The following NRP1 variants were observed in gnomAD, a reference collection of about 807,000 sequenced individuals.
NRP1 encodes the protein neuropilin 1, also known as neuropilin-1.
Under a neutral mutation model 106.7 loss-of-function variants are expected in NRP1, and 35 were observed. The ratio of observed to expected loss-of-function variants is 0.33; its 90% CI spans 0.25 to 0.43. NRP1 has a LOEUF of 0.43. Among genes scored for constraint, NRP1 ranks in the 20% least tolerant of loss-of-function variants. NRP1 has a pLI of 1.00. For synonymous variants in NRP1, 437 were observed against 417.9 expected (o/e 1.05, Z -0.56); for missense variants, 1,024 against 1,170.4 (o/e 0.87, Z 1.83).
intron 2 of NRP1, among the ~76,000 whole-genome samples, chr10:33,278,303 A>G (rs985312182): frequency 1.3e-5 from 2 of 152,140 alleles, no homozygotes; most frequent in Non-Finnish European, 2.9e-5. Context: ...GGGAGGACTC[A>G]AGGTTTTTGC....
chr10:33,288,657 A>G (rs537650801), intron 2 of NRP1: 1 of 152,312 alleles, frequency 6.6e-6, no homozygotes, highest in Admixed American at 6.5e-5. Flanking sequence ...ATCTAAAGAT[A>G]ACTAGAGAAT....
intron 6 of NRP1, among the ~76,000 whole-genome samples, chr10:33,238,444 T>A (rs7915584): frequency 0.21 from 31,297 of 152,122 alleles, 3,295 homozygotes; most frequent in Admixed American, 0.28. Context: ...CATGGGTGGC[T>A]ATTATTCATT....
Position 33,207,755 on chromosome 10 carries a change from A to T in NRP1, c.1615-39T>A, listed in dbSNP as rs202189463. On this transcript the variant is annotated intron_variant, in intron 9 of 16. Coordinates refer to ENST00000374867, the MANE Select transcript of NRP1 (RefSeq NM_003873.7). ...AAAACACAGGGCATTAAGGAAAAAA[A>T]AAAACAGAGCTCCCTTTTAGCAACT... 1.2e-5 allele frequency: 18 copies of T among 1,455,086 alleles called. No homozygotes were observed. The Admixed American group carries it at 3.3e-4, about 27-fold the overall frequency. The allele number at this position is 1,455,086 out of a possible 1,614,324, so 90.1% of individuals were successfully genotyped here.
intron 11 of NRP1, among the ~76,000 whole-genome samples, chr10:33,199,367 CTATATATATATA>C (rs1413431395): frequency 5.5e-5 from 3 of 54,276 alleles, no homozygotes; most frequent in Admixed American, 3.2e-4. Flanking sequence ...TGGCTGTTTT[CTATATATATATA>C]TATATATATA....
At chr10:33,228,762 T>C (rs773358230) in intron 6 of NRP1, among the ~76,000 whole-genome samples, 1 of 152,244 alleles carries the variant, frequency 6.6e-6, no homozygotes, top group Non-Finnish European at 1.5e-5. Flanking sequence ...TTTCCCTGGT[T>C]TTAAAGATAT....
chr10:33,202,981 G>A lies in NRP1; in HGVS notation c.1774C>T (p.Pro592Ser), dbSNP rs1588712985. The A allele has an allele frequency of 6.2e-7, 1 of 1,613,448 alleles. No homozygotes were observed. Among genetic ancestry groups the A allele is most frequent in the Non-Finnish European group, 8.5e-7 (1 of 1,179,622 alleles). ...ACCAAGTTCCCGTTGGGAGTGGTCG[G>A]TCCAGCTGTAGGGGCTGAAACAAGA... is the stretch of plus-strand genomic sequence containing the variant. ...GCEVEAPTAG[P>S]TTPNGNLVDE... The change falls in exon 11 of 17, where the codon CCG becomes TCG. Residue 592 changes from proline to serine, a missense_variant. Transcript: ENST00000374867.
chr10:33,254,310 G>A, intron 5 of NRP1, 116 bp from the exon 6 acceptor site: 3 of 870,672 alleles, frequency 3.4e-6, no homozygotes, highest in Non-Finnish European at 5.2e-6. Flanking sequence ...TAAAAAGATG[G>A]TAGTAAGGGA....
intron 12 of NRP1, among the ~76,000 whole-genome samples, chr10:33,193,458 C>T (rs529563962): frequency 5.9e-5 from 9 of 152,322 alleles, no homozygotes; most frequent in South Asian, 2.1e-4. Flanking sequence ...GAACGAAGCC[C>T]GCAGATGCAG....
At chr10:33,190,719 T>A (rs1836344511) in intron 13 of NRP1, among the ~76,000 whole-genome samples, 1 of 152,176 alleles carries the variant, frequency 6.6e-6, no homozygotes, top group South Asian at 2.1e-4. Context: ...CAGTGCTCTG[T>A]AAGTATTTCT....
intron 2 of NRP1, among the ~76,000 whole-genome samples, chr10:33,286,409 T>A (rs572717564): frequency 2.2e-3 from 336 of 152,236 alleles, no homozygotes; most frequent in African/African-American, 7.6e-3. Flanking sequence ...CATTCCTACA[T>A]CCTCCTCCTA....
intron 10 of NRP1, among the ~76,000 whole-genome samples, chr10:33,203,723 T>C (rs944204513): frequency 6.0e-5 from 2 of 33,510 alleles, no homozygotes; most frequent in South Asian, 9.0e-4. Flanking sequence ...CAAAGACTGC[T>C]TTTTTTTTTT....
chr10:33,202,567 T>C lies in NRP1; in HGVS notation c.1864+324A>G, dbSNP rs11009287. ...TACGTAGGGGTGGTGCACGTGTTATTGGGGGGGGGTCTGAAAATAATGAAA... is the reference window on the plus strand; with the variant it reads ...TACGTAGGGGTGGTGCACGTGTTATCGGGGGGGGGTCTGAAAATAATGAAA... On this transcript the variant is annotated intron_variant, in intron 11 of 16. Transcript: ENST00000374867. The C allele has an allele frequency of 1.1e-5, 14 of 1,318,284 alleles. No homozygotes were observed. In the East Asian group the frequency reaches 2.8e-4, roughly 26 times the overall value. 81.7% of individuals were successfully genotyped at this position (1,318,284 alleles called of 1,614,324 possible). A position where few individuals can be genotyped will look rare whatever the true frequency, so the allele number is the denominator to read the frequency against.
intron 10 of NRP1, among the ~76,000 whole-genome samples, chr10:33,204,856 C>T (rs910757282): frequency 5.3e-5 from 8 of 152,060 alleles, no homozygotes; most frequent in African/African-American, 1.4e-4. Context: ...CTCAGCCTCA[C>T]GAGTAGCTGG....
chr10:33,241,958 C>A (rs534804459), intron 6 of NRP1, among the ~76,000 whole-genome samples: 87 of 152,104 alleles, frequency 5.7e-4, no homozygotes, highest in African/African-American at 1.9e-3. Flanking sequence ...CATAAATATT[C>A]GAAATCTAGA....
In NRP1 at chr10:33,254,149, T is replaced by C. The variant is rs1350006225; in HGVS notation, c.860A>G (p.His287Arg). 1 of 1,613,800 alleles carries C rather than the reference T, an allele frequency of 6.2e-7. No homozygotes were observed. Among genetic ancestry groups the C allele is most frequent in the Admixed American group, 1.7e-5 (1 of 59,872 alleles). The change falls in exon 6 of 17, where the codon CAT (histidine) becomes CGT (arginine). Residue 287 changes from histidine (H) to arginine (R), a missense_variant. Transcript: ENST00000374867. ...EALGMESGEI[H>R]SDQITASSQY... is the part of the protein sequence containing the mutation. ...GGAAGAAGCTGTGATCTGGTCAGAA[T>C]GAATTTCTCCTGATTCCATGCCCAG...
chr10:33,304,758 C>T (rs576961465), intron 2 of NRP1, among the ~76,000 whole-genome samples: 42 of 152,300 alleles, frequency 2.8e-4, no homozygotes, highest in African/African-American at 9.9e-4. Flanking sequence ...TGAGGCTTTA[C>T]AGAAATGCAT....
intron 3 of NRP1, among the ~76,000 whole-genome samples, chr10:33,265,242 A>C (rs536191522): frequency 6.6e-6 from 1 of 152,322 alleles, no homozygotes; most frequent in East Asian, 1.9e-4. Flanking sequence ...AGCTACACTT[A>C]AGACACTTGT....
chr10:33,194,167 TAC>T (rs1439358746), intron 12 of NRP1, among the ~76,000 whole-genome samples: 1 of 152,198 alleles, frequency 6.6e-6, no homozygotes, highest in African/African-American at 2.4e-5. Context: ...GTAGATGAAG[TAC>T]AGTCAACTGA....
chr10:33,203,791 A>G lies in NRP1; in HGVS notation c.1760-796T>C. Among the ~76,000 whole-genome samples the G allele has an allele frequency of 1.8e-5, 2 of 109,576 alleles. 1 individual carries two copies. The highest frequency in any genetic ancestry group is 3.5e-5 in the Non-Finnish European group (2 of 57,426). 71.9% of individuals were successfully genotyped at this position (109,576 alleles called of 152,430 possible). On this transcript the variant is annotated intron_variant, in intron 10 of 16. Transcript: ENST00000374867. ...CTCTGTCGCCCAGGCCGGACTGCGG[A>G]CTGCAGTGGCGCAATCTCGGCTCAC...
Sources: gnomAD v4.1 joint callset for allele counts (sites outside exome capture counted in the v4.1 genomes callset) on GRCh38, gnomAD v4.1.1 for gene constraint, MANE v1.5 for transcripts, NCBI Gene and HGNC (gene_info 2026-07-23, HGNC 2026-07-21) for gene names.